Variants in AKAP6 observed in about 807,000 individuals in gnomAD.
AKAP6 encodes A-kinase anchor protein 6.
Under a neutral mutation model 188.5 loss-of-function variants are expected in AKAP6, and 58 were observed. The ratio of observed to expected loss-of-function variants is 0.31; its 90% confidence interval spans 0.25 to 0.38. AKAP6 has a LOEUF of 0.38. Ranked by LOEUF, AKAP6 falls within the 10% of genes least tolerant of loss-of-function variation. The pLI, the probability that AKAP6 is intolerant of heterozygous loss-of-function variation, is 1.00. For synonymous variants in AKAP6, 989 were observed against 998.6 expected (o/e 0.99, Z 0.18); for missense variants, 2,710 against 2,740.0 (o/e 0.99, Z 0.24).
At chr14:32,408,973 G>A (rs1279412358) in intron 1 of AKAP6, among the ~76,000 whole-genome samples, 4 of 152,172 alleles carry the variant, frequency 2.6e-5, no homozygotes, top group Non-Finnish European at 2.9e-5. Context: ...GCCGATGCAG[G>A]TGGATCACCT....
In AKAP6 at chr14:32,504,942, A is replaced by G. The variant is rs968177019; in HGVS notation, c.325-30612A>G. Among the ~76,000 whole-genome samples the G allele has an allele frequency of 3.3e-5, 5 of 152,226 alleles. No individual in the cohort carries two copies. The South Asian group carries it at 1.0e-3, about 31-fold the overall frequency. On this transcript the variant is annotated intron_variant, in intron 2 of 13. Coordinates refer to ENST00000280979, the MANE Select transcript of AKAP6 (RefSeq NM_004274.5). The stretch of plus-strand genomic sequence containing the variant: ...TTCTGAAATCAGACAGGAAAGCGTG[A>G]CAACAGAACCAATTGATGGCTTTTA...
At position 32,527,331 on chromosome 14, in the gene AKAP6, T is replaced by C. The variant is rs115981850; in HGVS notation, c.325-8223T>C. 4.4e-3 allele frequency among the ~76,000 whole-genome samples: 664 copies of C among 152,300 alleles called. 4 individuals carry two copies. Among genetic ancestry groups the C allele is most frequent in the African/African-American group, 0.015 (633 of 41,552 alleles). On this transcript the variant is annotated intron_variant, in intron 2 of 13. Coordinates refer to ENST00000280979, the MANE Select transcript of AKAP6 (RefSeq NM_004274.5). ...TCTAGATATACCAAAGTTTATCCAT[T>C]CACCTACTGAACTCCTTGGTTGCTT...
chr14:32,388,423 G>A (rs1888602836), intron 1 of AKAP6, among the ~76,000 whole-genome samples: 1 of 151,766 alleles, frequency 6.6e-6, no homozygotes, highest in African/African-American at 2.4e-5. Context: ...GTTTGTTCTT[G>A]TTTCTCTAGT....
chr14:32,423,206 G>A (rs1183708829), intron 1 of AKAP6, among the ~76,000 whole-genome samples: 1 of 152,098 alleles, frequency 6.6e-6, no homozygotes. Flanking sequence ...GTCTCACTTT[G>A]TCACCCAGGC....
chr14:32,516,625 T>C (rs940723219), intron 2 of AKAP6, among the ~76,000 whole-genome samples: 3 of 152,210 alleles, frequency 2.0e-5, no homozygotes, highest in African/African-American at 7.2e-5. Context: ...AAGTATGAGA[T>C]CTTCTAATTC....
intron 7 of AKAP6, among the ~76,000 whole-genome samples, chr14:32,674,359 G>A (rs1193610709): frequency 6.6e-6 from 1 of 152,130 alleles, no homozygotes; most frequent in Non-Finnish European, 1.5e-5. Flanking sequence ...AGAGATTAGA[G>A]GTCTAAGAAT....
chr14:32,545,315 G>A lies in AKAP6; in HGVS notation c.662G>A (p.Gly221Asp), dbSNP rs1883145086. 1.2e-6 allele frequency: 2 copies of A among 1,613,978 alleles called. No individual in the cohort carries two copies. The highest frequency in any genetic ancestry group is 1.1e-5 in the South Asian group (1 of 91,088). Reference protein sequence around the residue: ...CSQNYLSLDCGITAFELSDYS... With the variant: ...CSQNYLSLDCDITAFELSDYS... Reference sequence around the variant, plus strand: ...CAAAATTACTTGTCTCTGGATTGTGGCATTACTGCATTCGAACTGTCTGAC... The same window carrying A: ...CAAAATTACTTGTCTCTGGATTGTGACATTACTGCATTCGAACTGTCTGAC... Residue 221 changes from glycine (G) to aspartate (D), a missense_variant, in exon 4 of 14, where the codon GGC (glycine) becomes GAC (aspartate). Physicochemically the swap from Gly to Asp is moderately conservative, Grantham distance 94. Coordinates refer to ENST00000280979, the MANE Select transcript of AKAP6 (RefSeq NM_004274.5).
intron 5 of AKAP6, among the ~76,000 whole-genome samples, chr14:32,584,227 C>T (rs751465771): frequency 2.2e-4 from 33 of 152,174 alleles, no homozygotes; most frequent in Non-Finnish European, 3.7e-4. Flanking sequence ...CACCACACCT[C>T]ATGTATACCA....
In AKAP6 at chr14:32,823,399, T is replaced by G. The variant is rs765190766; in HGVS notation, c.5586T>G (p.Asn1862Lys). The G allele has an allele frequency of 3.1e-6, 5 of 1,613,712 alleles. No individual in the cohort carries two copies. In the South Asian group the frequency reaches 5.5e-5, roughly 18 times the overall value. The change falls in exon 13 of 14, where the codon AAT becomes AAG. Residue 1862 changes from asparagine to lysine, a missense_variant. Around this residue, in one of 2 missense-constraint regions of AKAP6, gnomAD observed 2,473 missense variants for 2,426.1 expected, o/e 1.02. Coordinates refer to ENST00000280979, the MANE Select transcript of AKAP6 (RefSeq NM_004274.5). ...SVKRVSENNG[N>K]GKNSSHTHEL... is the part of the protein sequence containing the mutation. The stretch of plus-strand genomic sequence containing the variant: ...AACGTGTCTCTGAAAATAATGGAAA[T>G]GGTAAGAATTCATCTCATACCCATG...
intron 7 of AKAP6, among the ~76,000 whole-genome samples, chr14:32,612,739 C>T (rs1408103385): frequency 6.6e-6 from 1 of 151,982 alleles, no homozygotes; most frequent in African/African-American, 2.4e-5. Flanking sequence ...TTTTTAAAAC[C>T]TTTGTTTAAA....
At chr14:32,517,029 A>C (rs2139043554) in intron 2 of AKAP6, among the ~76,000 whole-genome samples, 1 of 152,352 alleles carries the variant, frequency 6.6e-6, no homozygotes. Context: ...ACTCTCAATA[A>C]GGTTAGAACT....
At chr14:32,539,580 T>C (rs1196314047) in intron 3 of AKAP6, among the ~76,000 whole-genome samples, 1 of 152,190 alleles carries the variant, frequency 6.6e-6, no homozygotes, top group Non-Finnish European at 1.5e-5. Context: ...GAGGGAGACA[T>C]AATTTCAGTT....
intron 1 of AKAP6, among the ~76,000 whole-genome samples, chr14:32,421,529 A>C (rs2138666888): frequency 6.6e-6 from 1 of 151,892 alleles, no homozygotes; most frequent in South Asian, 2.1e-4. Context: ...TATTTTATGG[A>C]TATAATATCT....
chr14:32,614,744 C>T (rs1886487850), intron 7 of AKAP6, among the ~76,000 whole-genome samples: 1 of 152,088 alleles, frequency 6.6e-6, no homozygotes, highest in Admixed American at 6.6e-5. Flanking sequence ...TATTCCCCAG[C>T]CCAGCCAGTG....
At chr14:32,670,299 G>C (rs1367979072) in intron 7 of AKAP6, among the ~76,000 whole-genome samples, 1 of 152,010 alleles carries the variant, frequency 6.6e-6, no homozygotes, top group East Asian at 1.9e-4. Flanking sequence ...ATGAGATTTA[G>C]GTGGGGACAC....
At chr14:32,695,829 G>A (rs1157459719) in intron 8 of AKAP6, among the ~76,000 whole-genome samples, 161 bp from the exon 9 acceptor site, 2 of 152,134 alleles carry the variant, frequency 1.3e-5, no homozygotes, top group African/African-American at 4.8e-5. Context: ...GCAGGTTTGA[G>A]TTTCTATTTT....
intron 9 of AKAP6, among the ~76,000 whole-genome samples, chr14:32,730,602 A>G (rs1401855041): frequency 6.6e-6 from 1 of 152,140 alleles, no homozygotes; most frequent in Non-Finnish European, 1.5e-5. Flanking sequence ...GATAACTGGT[A>G]GAGGCCATTC....
In AKAP6 at chr14:32,344,938, G is replaced by A. The variant is rs999886078; in HGVS notation, c.-35+15530G>A. Among the ~76,000 whole-genome samples the A allele has an allele frequency of 2.8e-5, 4 of 141,670 alleles. No individual in the cohort carries two copies. The South Asian group carries it at 9.1e-4, about 32-fold the overall frequency. 92.9% of individuals were successfully genotyped at this position (141,670 alleles called of 152,430 possible). A position where few individuals can be genotyped will look rare whatever the true frequency, so the allele number is the denominator to read the frequency against. On this transcript the variant is annotated intron_variant, in intron 1 of 13. Coordinates refer to ENST00000280979, the MANE Select transcript of AKAP6 (RefSeq NM_004274.5). ...CTTAAAAAAAAAAAAAAAAAAAAAA[G>A]AGAGAGAGTATATATAAGCAGAATG...
At chr14:32,379,592 T>C (rs1387969423) in intron 1 of AKAP6, among the ~76,000 whole-genome samples, 1 of 152,102 alleles carries the variant, frequency 6.6e-6, no homozygotes, top group Non-Finnish European at 1.5e-5. Flanking sequence ...TGATCCTCTT[T>C]AATGATGTCA....
Sources: gnomAD v4.1 joint callset for allele counts (sites outside exome capture counted in the v4.1 genomes callset) on GRCh38, gnomAD v4.1.1 for gene constraint, gnomAD v4.1.1 regional missense constraint, MANE v1.5 for transcripts, NCBI Gene and HGNC (gene_info 2026-07-23, HGNC 2026-07-21) for gene names.